The following BCAS3 variants were observed in gnomAD, a reference collection of about 807,000 sequenced individuals.
BCAS3 encodes the protein BCAS3 microtubule associated cell migration factor, also known as BCAS4/BCAS3 fusion.
A neutral mutation model predicts 116.1 loss-of-function variants in BCAS3; 53 were observed. The ratio of observed to expected loss-of-function variants is 0.46; its 90% confidence interval spans 0.37 to 0.57. The LOEUF (loss-of-function observed/expected upper bound fraction) is 0.57. BCAS3 is among the 20% of genes least tolerant of loss of function. The pLI, the probability that BCAS3 is intolerant of heterozygous loss-of-function variation, is 0.00. For synonymous variants in BCAS3, 391 were observed against 408.2 expected, an observed-to-expected ratio of 0.96 and a Z score of 0.51; for missense variants, 917 against 1,165.4, an observed-to-expected ratio of 0.79 and a Z score of 3.10.
At chr17:61,207,399 C>T (rs569758814) in intron 22 of BCAS3, among the ~76,000 whole-genome samples, 24 of 152,086 alleles carry the variant, frequency 1.6e-4, no homozygotes, top group Non-Finnish European at 3.1e-4. Flanking sequence ...TGTTATTATT[C>T]TTTGATAGAT....
intron 22 of BCAS3, among the ~76,000 whole-genome samples, chr17:61,292,120 C>T (rs981486776): frequency 6.6e-6 from 1 of 152,038 alleles, no homozygotes; most frequent in East Asian, 1.9e-4. Context: ...CCACATGTAA[C>T]GTGGAGCAGC....
At chr17:60,968,169 A>G (rs1428446331) in intron 14 of BCAS3, among the ~76,000 whole-genome samples, 1 of 151,478 alleles carries the variant, frequency 6.6e-6, no homozygotes, top group Non-Finnish European at 1.5e-5. Flanking sequence ...TTTCAGTTTT[A>G]TCTGTCTACC....
rs368195502 is a variant in BCAS3, at chr17:61,041,018, G to T, written c.2029+126G>T. On this transcript the variant is annotated intron_variant, in intron 19 of 23. Coordinates refer to ENST00000407086, the MANE Select transcript of BCAS3 (RefSeq NM_017679.5). The surrounding 1 kb of genome is among the most constrained non-coding windows in gnomAD (Gnocchi z 4.7). ...ATGGGCCTTAAAGAATCAGTTTGAGGCAAATAAGATATTTAATATGAATAT... is the reference window on the plus strand; with the variant it reads ...ATGGGCCTTAAAGAATCAGTTTGAGTCAAATAAGATATTTAATATGAATAT... 19 of 702,778 alleles carry T rather than the reference G, an allele frequency of 2.7e-5. No homozygotes were observed. The South Asian group carries it at 3.2e-4, about 12-fold the overall frequency. The allele number at this position is 702,778 out of a possible 1,614,324, so 43.5% of individuals were successfully genotyped here.
chr17:60,723,688 A>G (rs1280799965), intron 5 of BCAS3, among the ~76,000 whole-genome samples: 1 of 122,220 alleles, frequency 8.2e-6, no homozygotes, highest in Non-Finnish European at 1.8e-5. Flanking sequence ...CTTTATAGCT[A>G]TTGTTACTTT....
Position 61,136,715 on chromosome 17 carries a change from A to G in BCAS3, c.2425+52151A>G, listed in dbSNP as rs534121972. ...GCTGGGATTACAGGTGTGTGCCACC[A>G]CACGCAGCTAATTTTGCATTTTTAG... On this transcript the variant is annotated intron_variant, in intron 22 of 23. Coordinates refer to ENST00000407086, the MANE Select transcript of BCAS3 (RefSeq NM_017679.5). The surrounding 1 kb of genome is among the most constrained non-coding windows in gnomAD (Gnocchi z 4.4). Among the ~76,000 whole-genome samples the G allele has an allele frequency of 4.6e-5, 7 of 152,224 alleles. No homozygotes were observed. The East Asian group carries it at 9.7e-4, about 21-fold the overall frequency.
In BCAS3 at chr17:61,084,353, G is replaced by A. The variant is rs530946387; in HGVS notation, c.2328-114G>A. 3.3e-5 allele frequency: 25 copies of A among 764,448 alleles called. No homozygotes were observed. Among genetic ancestry groups the A allele is most frequent in the Admixed American group, 1.2e-4 (4 of 34,002 alleles). 47.4% of individuals were successfully genotyped at this position (764,448 alleles called of 1,614,324 possible). On this transcript the variant is annotated intron_variant, in intron 21 of 23. Transcript: ENST00000407086. This position sits in a 1 kb window ranked among gnomAD's most constrained non-coding sequence, Gnocchi z 5.5. ...TCCCCTGTTTGTCTTGTTTTAGAAT[G>A]GATGGTTCTTTAATGGATTGTGCTA...
At chr17:60,818,115 A>G (rs1399511770) in intron 7 of BCAS3, among the ~76,000 whole-genome samples, 1 of 152,118 alleles carries the variant, frequency 6.6e-6, no homozygotes, top group Non-Finnish European at 1.5e-5. Context: ...TTGGCCTCCC[A>G]AGGTGCTGGG....
chr17:61,092,991 C>T (rs1039637766), intron 22 of BCAS3, among the ~76,000 whole-genome samples: 3 of 148,524 alleles, frequency 2.0e-5, no homozygotes, highest in African/African-American at 5.0e-5. Context: ...CTGCAACTTC[C>T]GTCTCCCAGG....
At chr17:60,691,331 G>A (rs545439018) in intron 4 of BCAS3, among the ~76,000 whole-genome samples, 4 of 152,036 alleles carry the variant, frequency 2.6e-5, no homozygotes, top group Non-Finnish European at 4.4e-5. Context: ...CTCAGTGAAC[G>A]TACCATTTTT....
rs2075974096 is a variant in BCAS3 at position 61,124,858 on chromosome 17, C to G, written c.2425+40294C>G. 6.6e-6 allele frequency among the ~76,000 whole-genome samples: 1 copy of G among 152,010 alleles called. No individual in the cohort carries two copies. The highest frequency in any genetic ancestry group is 1.9e-4 in the East Asian group (1 of 5,186). ...CTGGCCTCTTAGTGACAGAGAAATC[C>G]TTTGTTTATTCATTTAGTAGGCAGA... On this transcript the variant is annotated intron_variant, in intron 22 of 23. Transcript: ENST00000407086. The surrounding 1 kb of genome is among the most constrained non-coding windows in gnomAD (Gnocchi z 4.6).
chr17:61,150,171 T>C (rs1315609457), intron 22 of BCAS3, among the ~76,000 whole-genome samples: 1 of 152,204 alleles, frequency 6.6e-6, no homozygotes, highest in African/African-American at 2.4e-5. Context: ...AGGAGGTTAA[T>C]AGGAGTCTAT....
rs1432646955 is a variant in BCAS3, at chr17:61,356,397, G to A, written c.2426-11930G>A. On this transcript the variant is annotated intron_variant, in intron 22 of 23. Transcript: ENST00000407086. The surrounding 1 kb of genome is among the most constrained non-coding windows in gnomAD (Gnocchi z 5.4). ...CAAGTTTAAAACAGAAGAGTAAAGG[G>A]TCTCTGGCGTCCAGTCTGGGAATGC... Among the ~76,000 whole-genome samples, 1 of 152,188 alleles carries A rather than the reference G, an allele frequency of 6.6e-6. No homozygotes were observed. Among genetic ancestry groups the A allele is most frequent in the South Asian group, 2.1e-4 (1 of 4,830 alleles).
chr17:61,178,485 A>G (rs1255219774), intron 22 of BCAS3, among the ~76,000 whole-genome samples: 1 of 152,112 alleles, frequency 6.6e-6, no homozygotes, highest in East Asian at 1.9e-4. Context: ...TGTTATGAAT[A>G]TAGAGATGGG....
chr17:60,698,002 AC>A (rs2035842434), intron 4 of BCAS3, among the ~76,000 whole-genome samples: 1 of 151,836 alleles, frequency 6.6e-6, no homozygotes, highest in South Asian at 2.1e-4. Flanking sequence ...ACACGGTAAA[AC>A]CCCGTCTCTA....
chr17:61,274,119 C>T (rs2050566746), intron 22 of BCAS3, among the ~76,000 whole-genome samples: 2 of 151,130 alleles, frequency 1.3e-5, no homozygotes, highest in Non-Finnish European at 1.5e-5. Flanking sequence ...CTCCCCCCAC[C>T]CCACAACAGT....
chr17:61,102,214 G>T (rs949405716), intron 22 of BCAS3, among the ~76,000 whole-genome samples: 2 of 152,100 alleles, frequency 1.3e-5, no homozygotes, highest in African/African-American at 4.8e-5. Context: ...TGAATTGTAT[G>T]CATCTGTTTT....
intron 3 of BCAS3, among the ~76,000 whole-genome samples, chr17:60,684,298 ACTTT>A (rs1477259664): frequency 2.0e-5 from 3 of 152,160 alleles, no homozygotes; most frequent in African/African-American, 7.2e-5. Context: ...GAGACCTGGG[ACTTT>A]CTTTCTTAGG....
At chr17:60,750,159 T>TC (rs2042332070) in intron 6 of BCAS3, among the ~76,000 whole-genome samples, 1 of 149,680 alleles carries the variant, frequency 6.7e-6, no homozygotes, top group Non-Finnish European at 1.5e-5. Flanking sequence ...AGTGTGAGAC[T>TC]CCATCTCAAA....
intron 15 of BCAS3, among the ~76,000 whole-genome samples, chr17:61,006,067 G>A (rs553049862): frequency 3.4e-4 from 52 of 151,878 alleles, no homozygotes; most frequent in Admixed American, 4.6e-4. Flanking sequence ...TTGTTCTTGC[G>A]ATAGTTTACT....
Sources: allele counts gnomAD v4.1 joint callset (sites outside exome capture counted in the v4.1 genomes callset), GRCh38; gene constraint gnomAD v4.1.1; non-coding constraint Gnocchi (gnomAD v3.1); transcripts MANE v1.5; gene names NCBI Gene and HGNC (gene_info 2026-07-23, HGNC 2026-07-21).